The following CFAP61 variants were observed in gnomAD, a reference collection of about 807,000 sequenced individuals.
The protein encoded by CFAP61 is cilia and flagella associated protein 61, also known as cilia- and flagella-associated protein 61.
In CFAP61, 107 loss-of-function variants were observed where a neutral mutation model predicts 135.6. The observed-to-expected ratio is 0.79, with a 90% CI of 0.67 to 0.93. The LOEUF (loss-of-function observed/expected upper bound fraction) is 0.93. Ranked by LOEUF, CFAP61 falls within the 40% of genes least tolerant of loss-of-function variation. The pLI, the probability that CFAP61 is intolerant of heterozygous loss-of-function variation, is 0.00. For missense variants in CFAP61, 1,507 were observed against 1,556.2 expected (o/e 0.97, Z 0.53); for synonymous variants, 575 against 578.5 (o/e 0.99, Z 0.09).
At chr20:20,151,560 C>T (rs2052408833) in intron 9 of CFAP61, among the ~76,000 whole-genome samples, 1 of 152,088 alleles carries the variant, frequency 6.6e-6, no homozygotes, top group South Asian at 2.1e-4. Flanking sequence ...GGTTCAGTGG[C>T]TCATACCTGT....
intron 6 of CFAP61, among the ~76,000 whole-genome samples, chr20:20,079,970 T>C (rs752470954): frequency 5.9e-5 from 9 of 152,192 alleles, no homozygotes; most frequent in Non-Finnish European, 1.3e-4. Flanking sequence ...TAAAGAAATA[T>C]TACCTTCAGT....
intron 21 of CFAP61, among the ~76,000 whole-genome samples, chr20:20,276,766 A>G (rs370392955): frequency 3.3e-5 from 5 of 152,248 alleles, no homozygotes; most frequent in African/African-American, 9.6e-5. Flanking sequence ...CATCATGAGC[A>G]TGAATATTTT....
At chr20:20,303,377 G>A (rs192899107) in intron 25 of CFAP61, among the ~76,000 whole-genome samples, 2 of 152,112 alleles carry the variant, frequency 1.3e-5, no homozygotes, top group East Asian at 1.9e-4. Flanking sequence ...ATGGCAAGAC[G>A]GGGTGACACT....
intron 8 of CFAP61, among the ~76,000 whole-genome samples, chr20:20,117,322 C>A (rs938785302): frequency 6.6e-6 from 1 of 151,762 alleles, no homozygotes; most frequent in African/African-American, 2.4e-5. Context: ...CCAGCCTGGG[C>A]AACAGAGTGA....
At chr20:20,148,491 G>GT (rs986691803) in intron 9 of CFAP61, among the ~76,000 whole-genome samples, 2 of 151,518 alleles carry the variant, frequency 1.3e-5, no homozygotes, top group African/African-American at 2.4e-5. Context: ...TATTCCTAGG[G>GT]TTTTTTTGTT....
intron 25 of CFAP61, among the ~76,000 whole-genome samples, chr20:20,332,500 C>A (rs1296182123): frequency 6.6e-6 from 1 of 152,066 alleles, no homozygotes; most frequent in African/African-American, 2.4e-5. Flanking sequence ...AGTAAGCAGG[C>A]AAAACAGCAA....
At chr20:20,357,100 A>G (rs1159015241) in intron 26 of CFAP61, among the ~76,000 whole-genome samples, 5 of 86,246 alleles carry the variant, frequency 5.8e-5, no homozygotes, top group East Asian at 3.6e-4. Context: ...CACTGAGGGG[A>G]GGTGGTCATA....
intron 17 of CFAP61, among the ~76,000 whole-genome samples, chr20:20,227,518 A>G (rs554733403): frequency 6.6e-6 from 1 of 152,348 alleles, no homozygotes; most frequent in East Asian, 1.9e-4. Flanking sequence ...TTTACTTTGC[A>G]CATTTAATGT....
At chr20:20,235,319 G>T (rs913243914) in intron 18 of CFAP61, among the ~76,000 whole-genome samples, 1 of 152,000 alleles carries the variant, frequency 6.6e-6, no homozygotes, top group Non-Finnish European at 1.5e-5. Context: ...TTGAACAGAG[G>T]CTCTCAAAGT....
At chr20:20,102,372 C>T (rs1341731817) in intron 8 of CFAP61, among the ~76,000 whole-genome samples, 1 of 152,190 alleles carries the variant, frequency 6.6e-6, no homozygotes, top group Admixed American at 6.5e-5. Flanking sequence ...CTCCCTCACT[C>T]CTCAGGTGGG....
intron 18 of CFAP61, among the ~76,000 whole-genome samples, chr20:20,230,203 TCAAA>T (rs369661559): frequency 6.6e-6 from 1 of 152,206 alleles, no homozygotes; most frequent in Non-Finnish European, 1.5e-5. Flanking sequence ...AATTTCCCAA[TCAAA>T]CAGAGCTTTT....
At chr20:20,334,753 T>C (rs1024699271) in intron 25 of CFAP61, among the ~76,000 whole-genome samples, 4 of 152,214 alleles carry the variant, frequency 2.6e-5, no homozygotes, top group Admixed American at 6.5e-5. Context: ...ATCATTAATC[T>C]TACCTTTCTA....
At chr20:20,067,769 GTAT>G (rs1291146409) in intron 2 of CFAP61, among the ~76,000 whole-genome samples, 3 of 53,644 alleles carry the variant, frequency 5.6e-5, no homozygotes, top group Non-Finnish European at 1.3e-4. Flanking sequence ...TATTATATAT[GTAT>G]TTATTATATA....
At chr20:20,211,929 A>T (rs1273957610) in intron 17 of CFAP61, among the ~76,000 whole-genome samples, 4 of 152,058 alleles carry the variant, frequency 2.6e-5, no homozygotes, top group Non-Finnish European at 4.4e-5. Flanking sequence ...CTGTGGGGAC[A>T]GCACTTTTCA....
At chr20:20,165,620 C>T (rs2053766927) in intron 11 of CFAP61, among the ~76,000 whole-genome samples, 1 of 152,112 alleles carries the variant, frequency 6.6e-6, no homozygotes, top group East Asian at 1.9e-4. Flanking sequence ...AGCACCCACC[C>T]CTCATCTGTT....
At chr20:20,198,199 A>T (rs569975296) in intron 16 of CFAP61, among the ~76,000 whole-genome samples, 4 of 152,304 alleles carry the variant, frequency 2.6e-5, no homozygotes, top group Admixed American at 6.5e-5. Context: ...ACTCACTGAG[A>T]TGGGAAGGTA....
chr20:20,073,735 C>T (rs2045877650), intron 3 of CFAP61, among the ~76,000 whole-genome samples: 1 of 152,164 alleles, frequency 6.6e-6, no homozygotes, highest in African/African-American at 2.4e-5. Context: ...TAGAATCTTG[C>T]TACTGTGAGT....
intron 15 of CFAP61, among the ~76,000 whole-genome samples, chr20:20,192,182 T>TTAA (rs2055966793): frequency 6.6e-6 from 1 of 152,138 alleles, no homozygotes; most frequent in Admixed American, 6.5e-5. Context: ...GACTTCCCTA[T>TTAA]TAGGATCATG....
chr20:20,220,041 G>A (rs2048294640), intron 17 of CFAP61: 1 of 152,154 alleles, frequency 6.6e-6, no homozygotes, highest in African/African-American at 2.4e-5. Context: ...AATGATTTTT[G>A]GAAAGTCTCT....
Sources: gnomAD v4.1 joint callset for allele counts (sites outside exome capture counted in the v4.1 genomes callset) on GRCh38, gnomAD v4.1.1 for gene constraint, MANE v1.5 for transcripts, NCBI Gene and HGNC (gene_info 2026-07-23, HGNC 2026-07-21) for gene names.